DRAM2: variants seen among roughly 807,000 people sequenced by gnomAD.
DRAM2 encodes DNA damage regulated autophagy modulator 2.
DRAM2 carries 26 observed loss-of-function variants against 33.5 expected under a neutral mutation model. That is an observed-to-expected ratio of 0.78 (90% CI 0.57 to 1.08). DRAM2 has a LOEUF of 1.08. Ranked by LOEUF, DRAM2 falls within the 50% of genes least tolerant of loss-of-function variation. The pLI is 0.00. For synonymous variants in DRAM2, 98 were observed against 109.5 expected, an observed-to-expected ratio of 0.89 and a Z score of 0.66; for missense variants, 311 against 318.1, an observed-to-expected ratio of 0.98 and a Z score of 0.17.
At chr1:111,128,015 T>C (rs1298740912) in intron 4 of DRAM2, 3 of 152,162 alleles carry the variant, frequency 2.0e-5, no homozygotes, top group Non-Finnish European at 4.4e-5. Context: ...GGGCATCCAC[T>C]ACTTGAACCA....
At chr1:111,138,709 G>A (rs1418219260) in intron 2 of DRAM2, among the ~76,000 whole-genome samples, 1 of 152,172 alleles carries the variant, frequency 6.6e-6, no homozygotes, top group Non-Finnish European at 1.5e-5. Flanking sequence ...ACTTGAACGC[G>A]GGAGGCGGAG....
rs200318036 is a variant in DRAM2 at position 111,120,381 on chromosome 1, C to CAAAAAAAAAAA, written c.517+124_517+134dup. The CAAAAAAAAAAA allele has an allele frequency of 1.0e-4, 18 of 173,220 alleles. 1 individual carries two copies. Among genetic ancestry groups the CAAAAAAAAAAA allele is most frequent in the South Asian group, 1.4e-4 (1 of 7,128 alleles). The allele number at this position is 173,220 out of a possible 1,614,324, so 10.7% of individuals were successfully genotyped here. A position where few individuals can be genotyped will look rare whatever the true frequency, so the allele number is the denominator to read the frequency against. On this transcript the variant is annotated intron_variant, in intron 7 of 9. Transcript: ENST00000484310. ...ATTGTGAACCTAAGAATCTCTCCTA[C>CAAAAAAAAAAA]AAAAAAAAAAAAAAAAAAAAAAAAA...
Position 111,120,499 on chromosome 1 carries a change from T to C in DRAM2, c.517+17A>G. 6.5e-7 allele frequency: 1 copy of C among 1,545,474 alleles called. No homozygotes were observed. The highest frequency in any genetic ancestry group is 8.7e-7 in the Non-Finnish European group (1 of 1,144,684). On this transcript the variant is annotated intron_variant, in intron 7 of 9. Transcript: ENST00000484310. ...AATTCCTTTCCAAGTGTAGCCACAT[T>C]GTACAGTGAAGGATACTGCTAAGTG...
chr1:111,133,954 ACTTG>A (rs1652646435), intron 3 of DRAM2, among the ~76,000 whole-genome samples: 1 of 152,146 alleles, frequency 6.6e-6, no homozygotes, highest in African/African-American at 2.4e-5. Context: ...ATTACATTTA[ACTTG>A]CTTGTTTGGT....
At chr1:111,123,022 C>G (rs760661217) in intron 6 of DRAM2, among the ~76,000 whole-genome samples, 5 of 152,134 alleles carry the variant, frequency 3.3e-5, no homozygotes, top group Non-Finnish European at 5.9e-5. Flanking sequence ...TAAACAAATA[C>G]TGGAGATTCA....
intron 4 of DRAM2, chr1:111,127,845 T>A (rs1230273447): frequency 6.6e-6 from 1 of 152,124 alleles, no homozygotes; most frequent in African/African-American, 2.4e-5. Flanking sequence ...ATCTCAGTGG[T>A]CACAGCATCA....
At chr1:111,119,273 A>C (rs1264549748) in intron 8 of DRAM2, among the ~76,000 whole-genome samples, 1 of 152,006 alleles carries the variant, frequency 6.6e-6, no homozygotes, top group Non-Finnish European at 1.5e-5. Context: ...TACGATATTA[A>C]ATAATATATG....
rs1649195210 is a variant in DRAM2, at chr1:111,117,684, T to C, written c.*476A>G. On this transcript the variant is annotated 3_prime_UTR_variant, in exon 10 of 10. Coordinates refer to ENST00000484310, the MANE Select transcript of DRAM2 (RefSeq NM_001349884.2). Reference sequence around the variant, plus strand: ...AGAACAACAACAAAAAATGTAAGACTACAAGAAATGATTTAATATGATAAA... The same window carrying C: ...AGAACAACAACAAAAAATGTAAGACCACAAGAAATGATTTAATATGATAAA... 1 of 156,304 alleles carries C rather than the reference T, an allele frequency of 6.4e-6. No individual in the cohort carries two copies. The highest frequency in any genetic ancestry group is 6.3e-5 in the Admixed American group (1 of 15,840). The allele number at this position is 156,304 out of a possible 1,614,324, so 9.7% of individuals were successfully genotyped here. A position where few individuals can be genotyped will look rare whatever the true frequency, so the allele number is the denominator to read the frequency against.
chr1:111,119,679 T>C, intron 8 of DRAM2, 198 bp downstream of exon 8: 3 of 547,692 alleles, frequency 5.5e-6, no homozygotes, highest in Admixed American at 3.3e-5. Context: ...ATTTTGACAA[T>C]ATCTACAGAT....
chr1:111,132,400 AG>A (rs1652280533), intron 3 of DRAM2, among the ~76,000 whole-genome samples: 1 of 152,196 alleles, frequency 6.6e-6, no homozygotes. Context: ...AGGATGGGGT[AG>A]TGAGAACCTT....
At chr1:111,118,760 G>C (rs768782517) in intron 9 of DRAM2, 45 bp downstream of exon 9, 2 of 1,469,624 alleles carry the variant, frequency 1.4e-6, no homozygotes, top group African/African-American at 1.4e-5. Context: ...CCTGGACTAA[G>C]AGAAGGAAGT....
chr1:111,118,754 G>T, intron 9 of DRAM2, 51 bp downstream of exon 9: 1 of 1,423,644 alleles, frequency 7.0e-7, no homozygotes, highest in Non-Finnish European at 9.7e-7. Context: ...TACCTTCCTG[G>T]ACTAAGAGAA....
chr1:111,121,968 G>C (rs888162177), intron 6 of DRAM2, among the ~76,000 whole-genome samples: 7 of 152,214 alleles, frequency 4.6e-5, no homozygotes, highest in African/African-American at 1.7e-4. Context: ...CAGTATGTGA[G>C]AGGAAATTAA....
chr1:111,123,884 G>A (rs1234944451), intron 6 of DRAM2, among the ~76,000 whole-genome samples: 2 of 152,160 alleles, frequency 1.3e-5, no homozygotes, highest in Non-Finnish European at 2.9e-5. Flanking sequence ...TCCATCATGT[G>A]TAAGCTTCTT....
At position 111,117,187 on chromosome 1, in the gene DRAM2, T is replaced by G. The variant is rs1454066793; in HGVS notation, c.*973A>C. On this transcript the variant is annotated 3_prime_UTR_variant, in exon 10 of 10. Transcript: ENST00000484310. Reference sequence around the variant, plus strand: ...GTATCACACTTATTTTGCATGTAGTTTAATTGGATTGCCAATTTTGTTCTT... The same window carrying G: ...GTATCACACTTATTTTGCATGTAGTGTAATTGGATTGCCAATTTTGTTCTT... 6.6e-6 allele frequency: 1 copy of G among 152,140 alleles called. No individual in the cohort carries two copies. The highest frequency in any genetic ancestry group is 2.4e-5 in the African/African-American group (1 of 41,446). 9.4% of individuals were successfully genotyped at this position (152,140 alleles called of 1,614,324 possible). A position where few individuals can be genotyped will look rare whatever the true frequency, so the allele number is the denominator to read the frequency against.
At chr1:111,127,597 A>C (rs755268797) in intron 4 of DRAM2, among the ~76,000 whole-genome samples, 2 of 152,168 alleles carry the variant, frequency 1.3e-5, no homozygotes, top group Non-Finnish European at 2.9e-5. Flanking sequence ...AGGAGGAGGG[A>C]ATAAAGGGTT....
intron 2 of DRAM2, among the ~76,000 whole-genome samples, chr1:111,138,822 C>T (rs1653866865): frequency 6.6e-6 from 1 of 152,172 alleles, no homozygotes; most frequent in Non-Finnish European, 1.5e-5. Flanking sequence ...CTAACCTAAC[C>T]TATCTTCTCT....
intron 3 of DRAM2, among the ~76,000 whole-genome samples, chr1:111,136,145 C>G (rs535060662): frequency 1.3e-5 from 2 of 152,342 alleles, no homozygotes; most frequent in East Asian, 1.9e-4. Context: ...CCCCTTCACC[C>G]ATTCCACCTG....
At position 111,117,830 on chromosome 1, in the gene DRAM2, G is replaced by A. The variant is rs977217831; in HGVS notation, c.*330C>T. ...CATGATCTACAATAATTTATAAAAT[G>A]TGAAGGGTTGGGATGTGCAGACTGA... On this transcript the variant is annotated 3_prime_UTR_variant, in exon 10 of 10. Transcript: ENST00000484310. The A allele has an allele frequency of 8.7e-6, 2 of 228,898 alleles. No individual in the cohort carries two copies. Among genetic ancestry groups the A allele is most frequent in the Non-Finnish European group, 1.7e-5 (2 of 115,302 alleles). 14.2% of individuals were successfully genotyped at this position (228,898 alleles called of 1,614,324 possible).
Sources: allele counts gnomAD v4.1 joint callset (sites outside exome capture counted in the v4.1 genomes callset), GRCh38; gene constraint gnomAD v4.1.1; transcripts MANE v1.5; gene names NCBI Gene and HGNC (gene_info 2026-07-23, HGNC 2026-07-21).